BRD8: variants seen among roughly 807,000 people sequenced by gnomAD.
BRD8 encodes bromodomain-containing protein 8.
BRD8 carries 67 observed loss-of-function variants against 143.1 expected under a neutral mutation model. The observed-to-expected ratio is 0.47, with a 90% CI of 0.38 to 0.57. The LOEUF (loss-of-function observed/expected upper bound fraction) is 0.57. Ranked by LOEUF, BRD8 falls within the 20% of genes least tolerant of loss-of-function variation. The pLI, the probability that BRD8 is intolerant of heterozygous loss-of-function variation, is 0.00. For missense variants in BRD8, 1,103 were observed against 1,503.0 expected (o/e 0.73, Z 4.40); for synonymous variants, 505 against 517.1 (o/e 0.98, Z 0.32).
Position 138,145,781 on chromosome 5 carries a change from A to G in BRD8, c.3368+8T>C. Reference sequence around the variant, plus strand: ...GAACATAATCCTATTACCACTTTGGAGACCTACCTGTGACTGGCAATCATC... The same window carrying G: ...GAACATAATCCTATTACCACTTTGGGGACCTACCTGTGACTGGCAATCATC... On this transcript the variant is annotated splice_region_variant and intron_variant, in intron 24 of 26. Coordinates refer to ENST00000254900, the MANE Select transcript of BRD8 (RefSeq NM_139199.2). 1.9e-6 allele frequency: 3 copies of G among 1,611,514 alleles called. No individual in the cohort carries two copies. The highest frequency in any genetic ancestry group is 2.5e-6 in the Non-Finnish European group (3 of 1,177,702).
chr5:138,152,442 T>G, intron 21 of BRD8, 40 bp downstream of exon 21: 5 of 1,605,478 alleles, frequency 3.1e-6, no homozygotes, highest in Non-Finnish European at 2.6e-6. Flanking sequence ...CTTAGAAAGT[T>G]GAGGCTTTTC....
chr5:138,174,387 G>A (rs1264645072), intron 2 of BRD8, among the ~76,000 whole-genome samples: 1 of 152,054 alleles, frequency 6.6e-6, no homozygotes, highest in Non-Finnish European at 1.5e-5. Context: ...CTGAGGTCAG[G>A]AGTTCAAGAC....
At chr5:138,177,215 G>A (rs1222503116) in intron 2 of BRD8, 7 of 164,968 alleles carry the variant, frequency 4.2e-5, no homozygotes, top group South Asian at 1.4e-4. Flanking sequence ...GTGAAACCCC[G>A]TCTCTACTAA....
intron 25 of BRD8, among the ~76,000 whole-genome samples, chr5:138,142,673 G>C (rs563294878): frequency 6.7e-6 from 1 of 148,620 alleles, no homozygotes; most frequent in African/African-American, 2.5e-5. Context: ...TGAGGCAGGA[G>C]AATCACTTGA....
intron 2 of BRD8, chr5:138,177,354 AC>A (rs1378134846): frequency 2.5e-5 from 8 of 317,934 alleles, no homozygotes; most frequent in African/African-American, 2.5e-5. Flanking sequence ...ACATGGCGAA[AC>A]TCTGTCTCTA....
intron 8 of BRD8, chr5:138,168,458 A>T (rs1289516913): frequency 6.3e-7 from 1 of 1,581,088 alleles, no homozygotes; most frequent in Non-Finnish European, 8.7e-7. Context: ...ACACCCACAG[A>T]AGTCTCCATA....
At chr5:138,177,086 CA>C (rs36005969) in intron 2 of BRD8, 78,249 of 121,662 alleles carry the variant, frequency 0.64, 23,918 homozygotes, top group African/African-American at 0.74. Context: ...AATCTTGTCT[CA>C]AAAAAAAAAA....
Position 138,160,178 on chromosome 5 carries a change from A to G in BRD8, c.2428-5T>C, listed in dbSNP as rs1440725426. On this transcript the variant is annotated splice_polypyrimidine_tract_variant and splice_region_variant and intron_variant, in intron 18 of 26. Transcript: ENST00000254900. ...CAACTGCGTGGCCAAGAATTGCTGT[A>G]GGGAGAAGAAACAGGGTAGGCCATG... 3 of 1,611,430 alleles carry G rather than the reference A, an allele frequency of 1.9e-6. No homozygotes were observed. Among genetic ancestry groups the G allele is most frequent in the Non-Finnish European group, 2.5e-6 (3 of 1,177,638 alleles).
chr5:138,161,717 C>T lies in BRD8; in HGVS notation c.2249+79G>A, dbSNP rs149706415. ...CATAAACTTACTTGCTTTAAACTTT[C>T]TATCGAAAGCAAAACTTCACTAAGA... is the stretch of plus-strand genomic sequence containing the variant. On this transcript the variant is annotated intron_variant, in intron 17 of 26. Coordinates refer to ENST00000254900, the MANE Select transcript of BRD8 (RefSeq NM_139199.2). 616 of 1,447,964 alleles carry T rather than the reference C, an allele frequency of 4.3e-4. 4 individuals are homozygous for T. The East Asian group carries it at 0.014, about 32-fold the overall frequency. The allele number at this position is 1,447,964 out of a possible 1,614,324, so 89.7% of individuals were successfully genotyped here. A position where few individuals can be genotyped will look rare whatever the true frequency, so the allele number is the denominator to read the frequency against.
At chr5:138,143,114 A>G (rs189838646) in intron 25 of BRD8, among the ~76,000 whole-genome samples, 5 of 151,574 alleles carry the variant, frequency 3.3e-5, no homozygotes, top group African/African-American at 9.7e-5. Context: ...GTGAAACTCT[A>G]TCTCTATAAA....
At chr5:138,162,249 G>A in intron 15 of BRD8, 103 bp from the exon 16 acceptor site, 1 of 852,996 alleles carries the variant, frequency 1.2e-6, no homozygotes, top group Non-Finnish European at 1.8e-6. Flanking sequence ...CCCCAGGCTG[G>A]AGTGCAGTGG....
chr5:138,165,304 G>A (rs992732143), intron 11 of BRD8, 138 bp from the exon 12 acceptor site: 3 of 886,116 alleles, frequency 3.4e-6, no homozygotes, highest in Non-Finnish European at 5.1e-6. Context: ...AAACAATGAA[G>A]AGGCACCTGT....
intron 25 of BRD8, among the ~76,000 whole-genome samples, chr5:138,142,759 C>CAA (rs35529846): frequency 1.3e-3 from 113 of 83,804 alleles, no homozygotes; most frequent in African/African-American, 4.6e-3. Context: ...AAGACTGTCT[C>CAA]AAAAAAAAAA....
chr5:138,141,484 C>T (rs1479880360), intron 25 of BRD8, among the ~76,000 whole-genome samples: 1 of 152,122 alleles, frequency 6.6e-6, no homozygotes, highest in Admixed American at 6.6e-5. Flanking sequence ...GTTAAGTACT[C>T]ACTGAAAGGC....
chr5:138,152,391 C>A, intron 21 of BRD8, 91 bp downstream of exon 21: 1 of 1,500,666 alleles, frequency 6.7e-7, no homozygotes, highest in Non-Finnish European at 9.0e-7. Flanking sequence ...TTTTAGTAAA[C>A]AATATTAAGA....
chr5:138,152,889 G>C, intron 20 of BRD8, 129 bp from the exon 21 acceptor site: 2 of 996,164 alleles, frequency 2.0e-6, no homozygotes, highest in Non-Finnish European at 1.4e-6. Context: ...TCATCATTAG[G>C]AAGAATTAAA....
intron 17 of BRD8, 38 bp from the exon 18 acceptor site, chr5:138,161,106 G>A (rs1244923355): frequency 6.5e-7 from 1 of 1,537,604 alleles, no homozygotes. Context: ...CAGTGGGGAT[G>A]GAAAGAGGAC....
In BRD8 at chr5:138,160,124, C is replaced by T. The variant is rs1752888753; in HGVS notation, c.2477G>A (p.Ser826Asn). The change falls in exon 19 of 27, where the codon AGT becomes AAT. Residue 826 changes from serine to asparagine, a missense_variant. Around this residue, in one of 7 missense-constraint regions of BRD8, gnomAD observed 64 missense variants for 211.3 expected, o/e 0.30. Transcript: ENST00000254900. Reference protein sequence around the residue: ...LIMQTSESGISAKSLRGRDST... With the variant: ...LIMQTSESGINAKSLRGRDST... ...ATCTCTCCCTCGAAGACTTTTAGCA[C>T]TGATCCCAGACTCGGATGTTTGCAT... 1 of 1,614,194 alleles carries T rather than the reference C, an allele frequency of 6.2e-7. No homozygotes were observed. The highest frequency in any genetic ancestry group is 8.5e-7 in the Non-Finnish European group (1 of 1,180,034).
In BRD8 at chr5:138,143,662, G is replaced by A. The variant is rs111637671; in HGVS notation, c.3437+1515C>T. The stretch of plus-strand genomic sequence containing the variant: ...ACACCAATCAGCACTCTGTAAAAAC[G>A]CACCAATCAGCGCTCTGTGTCTAGC... On this transcript the variant is annotated intron_variant, in intron 25 of 26. Transcript: ENST00000254900. 4.5e-4 allele frequency among the ~76,000 whole-genome samples: 36 copies of A among 79,522 alleles called. 1 individual carries two copies. Among genetic ancestry groups the A allele is most frequent in the African/African-American group, 9.4e-4 (31 of 32,926 alleles). The allele number at this position is 79,522 out of a possible 152,430, so 52.2% of individuals were successfully genotyped here. A position where few individuals can be genotyped will look rare whatever the true frequency, so the allele number is the denominator to read the frequency against.
Sources: allele counts gnomAD v4.1 joint callset (sites outside exome capture counted in the v4.1 genomes callset), GRCh38; gene constraint gnomAD v4.1.1; regional missense constraint gnomAD v4.1.1; transcripts MANE v1.5; gene names NCBI Gene and HGNC (gene_info 2026-07-23, HGNC 2026-07-21).